SAMD5: variants seen among roughly 807,000 people sequenced by gnomAD.
SAMD5 encodes sterile alpha motif domain-containing protein 5.
In SAMD5, 13 loss-of-function variants were observed where a neutral mutation model predicts 11.3. That is an observed-to-expected ratio of 1.15 (90% CI 0.75 to 1.83). The LOEUF (loss-of-function observed/expected upper bound fraction) is 1.83. Among genes scored for constraint, SAMD5 ranks in the 40% most tolerant of loss-of-function variants. The pLI is 0.00. For missense variants in SAMD5, 255 were observed against 239.1 expected, an observed-to-expected ratio of 1.07 and a Z score of -0.44; for synonymous variants, 129 against 111.3, an observed-to-expected ratio of 1.16 and a Z score of -1.00.
the SAMD5 span, among the ~76,000 whole-genome samples, chr6:147,885,756 T>C: frequency 6.6e-6 from 1 of 152,098 alleles, no homozygotes; most frequent in South Asian, 2.1e-4. Flanking sequence ...ACAATGAACA[T>C]AAGTAGTGGG....
At chr6:147,762,489 G>A in the SAMD5 span, among the ~76,000 whole-genome samples, 3 of 143,006 alleles carry the variant, frequency 2.1e-5, no homozygotes, top group East Asian at 2.0e-4. Flanking sequence ...ATGAGCCACC[G>A]TGCCTGGCCC....
At chr6:147,637,845 T>C (rs1790252794) in intron 1 of SAMD5, among the ~76,000 whole-genome samples, 1 of 147,626 alleles carries the variant, frequency 6.8e-6, no homozygotes, top group African/African-American at 2.6e-5. Context: ...ATCTTCCTTT[T>C]CAAAAGCAAG....
the SAMD5 span, among the ~76,000 whole-genome samples, chr6:147,800,090 A>C: frequency 1.3e-5 from 2 of 152,222 alleles, no homozygotes; most frequent in Non-Finnish European, 2.9e-5. Flanking sequence ...TTCTCCGTCC[A>C]GCTTTGTTCC....
chr6:147,625,888 G>A (rs972204852), intron 1 of SAMD5, among the ~76,000 whole-genome samples: 1 of 152,132 alleles, frequency 6.6e-6, no homozygotes, highest in African/African-American at 2.4e-5. Flanking sequence ...ACCCCACTTT[G>A]GTTCCAGGCC....
chr6:147,540,767 C>G (rs1038977864), intron 1 of SAMD5, among the ~76,000 whole-genome samples: 2 of 142,454 alleles, frequency 1.4e-5, no homozygotes, highest in African/African-American at 5.4e-5. Context: ...TTTACCCAGA[C>G]AGAGAGAGAG....
the SAMD5 span, among the ~76,000 whole-genome samples, chr6:147,870,198 A>T: frequency 2.2e-4 from 33 of 152,180 alleles, no homozygotes; most frequent in Non-Finnish European, 4.4e-4. Flanking sequence ...AATGAATGGG[A>T]TAGCAAGGTA....
chr6:147,845,841 G>A, the SAMD5 span, among the ~76,000 whole-genome samples: 3 of 152,162 alleles, frequency 2.0e-5, no homozygotes, highest in Non-Finnish European at 4.4e-5. Flanking sequence ...AATTCAACAT[G>A]CACTTACTAT....
intron 1 of SAMD5, among the ~76,000 whole-genome samples, chr6:147,537,591 A>G (rs1296412382): frequency 2.8e-5 from 3 of 106,774 alleles, no homozygotes; most frequent in Non-Finnish European, 6.1e-5. Context: ...TCTCTACTAA[A>G]AATACAAAAA....
intron 1 of SAMD5, among the ~76,000 whole-genome samples, chr6:147,641,832 T>C (rs532304567): frequency 2.4e-3 from 367 of 152,282 alleles, no homozygotes; most frequent in African/African-American, 8.0e-3. Context: ...TTTGAAGTAA[T>C]CTTGTTTGTT....
chr6:147,541,243 C>A (rs1788599819), intron 1 of SAMD5, among the ~76,000 whole-genome samples: 1 of 152,186 alleles, frequency 6.6e-6, no homozygotes, highest in Non-Finnish European at 1.5e-5. Context: ...AGCCACGACA[C>A]CAGGCCCTTC....
the SAMD5 span, among the ~76,000 whole-genome samples, chr6:147,874,927 T>G: frequency 1.3e-5 from 2 of 152,112 alleles, no homozygotes; most frequent in African/African-American, 4.8e-5. Context: ...AAGAGTTTTC[T>G]GGGAGGCTCA....
At chr6:147,651,576 G>GTT (rs1041925146) in intron 1 of SAMD5, among the ~76,000 whole-genome samples, 4 of 152,138 alleles carry the variant, frequency 2.6e-5, no homozygotes, top group Admixed American at 2.6e-4. Context: ...CCTTTCCACC[G>GTT]TGTGAGGACA....
At chr6:147,821,268 G>A in the SAMD5 span, among the ~76,000 whole-genome samples, 17 of 152,216 alleles carry the variant, frequency 1.1e-4, no homozygotes, top group African/African-American at 4.1e-4. Flanking sequence ...TTCCATGGAT[G>A]TGATATAAAG....
At chr6:147,753,065 A>T in the SAMD5 span, among the ~76,000 whole-genome samples, 6 of 152,350 alleles carry the variant, frequency 3.9e-5, no homozygotes, top group South Asian at 1.0e-3. Context: ...TTTTACAAGG[A>T]GTATGACCGA....
chr6:147,617,121 G>A (rs1234993325), intron 1 of SAMD5, among the ~76,000 whole-genome samples: 1 of 151,982 alleles, frequency 6.6e-6, no homozygotes, highest in East Asian at 1.9e-4. Context: ...GTTATGTGAG[G>A]GGTATCATAT....
At chr6:147,598,700 A>G (rs926809648) in intron 1 of SAMD5, among the ~76,000 whole-genome samples, 6 of 152,154 alleles carry the variant, frequency 3.9e-5, no homozygotes, top group Admixed American at 3.9e-4. Context: ...AGAGTTAAGA[A>G]CATCCTCTTC....
chr6:147,551,834 A>ATATATATG (rs1390638500), intron 1 of SAMD5, among the ~76,000 whole-genome samples: 1 of 144,682 alleles, frequency 6.9e-6, no homozygotes, highest in Admixed American at 6.9e-5. Context: ...ATATATATAT[A>ATATATATG]TATGTATATA....
the SAMD5 span, among the ~76,000 whole-genome samples, chr6:147,921,631 A>G: frequency 6.6e-6 from 1 of 152,152 alleles, no homozygotes; most frequent in South Asian, 2.1e-4. Context: ...TAAGCTGCAG[A>G]TGTTAATCCT....
At chr6:147,836,533 TA>T in the SAMD5 span, among the ~76,000 whole-genome samples, 1 of 152,336 alleles carries the variant, frequency 6.6e-6, no homozygotes, top group South Asian at 2.1e-4. Flanking sequence ...CAAAATCACC[TA>T]ATACAAAGCC....
Sources: allele counts gnomAD v4.1 joint callset (sites outside exome capture counted in the v4.1 genomes callset), GRCh38; gene constraint gnomAD v4.1.1; transcripts MANE v1.5; gene names NCBI Gene and HGNC (gene_info 2026-07-23, HGNC 2026-07-21).